LHFPL3: variants seen among roughly 807,000 people sequenced by gnomAD.
LHFPL3 encodes LHFPL tetraspan subfamily member 3.
In LHFPL3, 5 loss-of-function variants were observed where a neutral mutation model predicts 19.3. That is an observed-to-expected ratio of 0.26 (90% CI 0.14 to 0.54). The LOEUF is 0.54. Among genes scored for constraint, LHFPL3 ranks in the 20% least tolerant of loss-of-function variants. LHFPL3 has a pLI of 0.94. For synonymous variants in LHFPL3, 133 were observed against 126.2 expected (o/e 1.05, Z -0.36); for missense variants, 249 against 307.4 (o/e 0.81, Z 1.42).
At chr7:104,888,739 C>T (rs1235029325) in intron 2 of LHFPL3, among the ~76,000 whole-genome samples, 1 of 152,166 alleles carries the variant, frequency 6.6e-6, no homozygotes, top group Admixed American at 6.5e-5. Context: ...CATGTGTCAA[C>T]AATGCATGGA....
intron 1 of LHFPL3, among the ~76,000 whole-genome samples, chr7:104,385,667 T>TATTTATTC (rs5886309): frequency 3.0e-4 from 45 of 151,644 alleles, no homozygotes; most frequent in East Asian, 5.8e-4. Flanking sequence ...CATGGCAATT[T>TATTTATTC]ATTCATTCAT....
chr7:104,668,999 C>T, intron 1 of LHFPL3: 1 of 1,612,134 alleles, frequency 6.2e-7, no homozygotes, highest in Non-Finnish European at 8.5e-7. Flanking sequence ...CGGTCGAGGA[C>T]AGGAAGTGAG....
chr7:104,855,415 C>A (rs1791483965), intron 2 of LHFPL3, among the ~76,000 whole-genome samples: 1 of 152,178 alleles, frequency 6.6e-6, no homozygotes, highest in Non-Finnish European at 1.5e-5. Context: ...CTGCAAGTCA[C>A]ATTCTTATGT....
intron 1 of LHFPL3, among the ~76,000 whole-genome samples, chr7:104,374,828 G>A (rs1196318507): frequency 1.3e-5 from 2 of 152,120 alleles, no homozygotes; most frequent in East Asian, 3.9e-4. Flanking sequence ...ATGTGTTTTT[G>A]TGTCCTTAGG....
intron 2 of LHFPL3, among the ~76,000 whole-genome samples, chr7:104,874,044 G>C (rs961670882): frequency 2.6e-5 from 4 of 152,222 alleles, no homozygotes; most frequent in African/African-American, 9.6e-5. Context: ...AAACACTGCT[G>C]TTGGGATGAA....
At chr7:104,452,546 T>A (rs1199035981) in intron 1 of LHFPL3, among the ~76,000 whole-genome samples, 1 of 152,240 alleles carries the variant, frequency 6.6e-6, no homozygotes, top group African/African-American at 2.4e-5. Context: ...ACTTTATACC[T>A]AATGATGAAC....
chr7:104,902,205 C>A (rs1187884418), intron 2 of LHFPL3, among the ~76,000 whole-genome samples: 8 of 151,922 alleles, frequency 5.3e-5, no homozygotes, highest in East Asian at 1.9e-4. Context: ...CATAATGAGA[C>A]CCCATCTCTA....
At chr7:104,538,063 T>C (rs1298973446) in intron 1 of LHFPL3, among the ~76,000 whole-genome samples, 1 of 152,148 alleles carries the variant, frequency 6.6e-6, no homozygotes, top group East Asian at 1.9e-4. Context: ...TTCAGTTCAG[T>C]GGTAATTAGT....
chr7:104,395,818 G>A (rs956171655), intron 1 of LHFPL3, among the ~76,000 whole-genome samples: 21 of 152,100 alleles, frequency 1.4e-4, no homozygotes, highest in Admixed American at 1.3e-4. Context: ...ATTTTCTAAC[G>A]TTTATGATGT....
rs879013031 is a variant in LHFPL3, at chr7:104,669,344, T to C, written c.446-67331T>C. ...GAAAATAAAGTAGATGGGATGAATGTCCCAAAAGGCCAAACTGGGAACTCT... is the reference window on the plus strand; with the variant it reads ...GAAAATAAAGTAGATGGGATGAATGCCCCAAAAGGCCAAACTGGGAACTCT... On this transcript the variant is annotated intron_variant, in intron 1 of 2. Coordinates refer to ENST00000424859, the MANE Select transcript of LHFPL3 (RefSeq NM_199000.3). 5.1e-5 allele frequency: 82 copies of C among 1,613,522 alleles called. No individual in the cohort carries two copies. The African/African-American group carries it at 5.5e-4, about 11-fold the overall frequency.
intron 1 of LHFPL3, among the ~76,000 whole-genome samples, chr7:104,578,951 T>C (rs1276352535): frequency 6.6e-6 from 1 of 152,206 alleles, no homozygotes; most frequent in East Asian, 1.9e-4. Flanking sequence ...ACCAGTGTTC[T>C]GGAACATCCT....
At chr7:104,589,732 C>T (rs1235048892) in intron 1 of LHFPL3, among the ~76,000 whole-genome samples, 4 of 152,140 alleles carry the variant, frequency 2.6e-5, no homozygotes, top group Admixed American at 2.6e-4. Context: ...GCTGTGAATC[C>T]ATCTGGTCCT....
intron 2 of LHFPL3, among the ~76,000 whole-genome samples, chr7:104,818,403 A>C (rs1790608365): frequency 6.6e-6 from 1 of 151,720 alleles, no homozygotes; most frequent in African/African-American, 2.4e-5. Context: ...AAAAAAAAAA[A>C]ACAGGCACGT....
At position 104,332,963 on chromosome 7, in the gene LHFPL3, G is replaced by A. The variant is rs1189418741; in HGVS notation, c.445+3739G>A. Among the ~76,000 whole-genome samples, 3 of 150,390 alleles carry A rather than the reference G, an allele frequency of 2.0e-5. No homozygotes were observed. The East Asian group carries it at 5.8e-4, about 29-fold the overall frequency. ...TTCAGAAGGAAAAAAAAAAAAAGAG[G>A]CTTTCTGTGTGATTTCTCTGACACT... On this transcript the variant is annotated intron_variant, in intron 1 of 2. Coordinates refer to ENST00000424859, the MANE Select transcript of LHFPL3 (RefSeq NM_199000.3).
chr7:104,738,977 G>A (rs1419942317), intron 2 of LHFPL3: 3 of 152,152 alleles, frequency 2.0e-5, no homozygotes, highest in Admixed American at 1.3e-4. Context: ...AAATTAGTAG[G>A]AGTTCATCTG....
chr7:104,506,474 C>G (rs1027584885), intron 1 of LHFPL3, among the ~76,000 whole-genome samples: 5 of 152,206 alleles, frequency 3.3e-5, no homozygotes, highest in African/African-American at 1.2e-4. Flanking sequence ...TTATTTGTCT[C>G]TGCCACTAGA....
intron 1 of LHFPL3, among the ~76,000 whole-genome samples, chr7:104,478,404 G>A (rs1793068145): frequency 6.6e-6 from 1 of 152,070 alleles, no homozygotes; most frequent in Non-Finnish European, 1.5e-5. Context: ...GGGTAGTTTT[G>A]ATGTCTGCTT....
At chr7:104,701,939 T>A (rs1379144871) in intron 1 of LHFPL3, among the ~76,000 whole-genome samples, 1 of 152,196 alleles carries the variant, frequency 6.6e-6, no homozygotes, top group Non-Finnish European at 1.5e-5. Context: ...GGTATACATG[T>A]GCCATGGTGG....
intron 1 of LHFPL3, among the ~76,000 whole-genome samples, chr7:104,569,230 T>C (rs74671440): frequency 0.066 from 10,061 of 152,266 alleles, 515 homozygotes; most frequent in African/African-American, 0.15. Flanking sequence ...GTAGCACCCA[T>C]TACAGTATGC....
Sources: allele counts gnomAD v4.1 joint callset (sites outside exome capture counted in the v4.1 genomes callset), GRCh38; gene constraint gnomAD v4.1.1; transcripts MANE v1.5; gene names NCBI Gene and HGNC (gene_info 2026-07-23, HGNC 2026-07-21).